MAGI2: variants seen among roughly 807,000 people sequenced by gnomAD.
MAGI2 encodes membrane-associated guanylate kinase, WW and PDZ domain-containing protein 2.
In MAGI2, 35 loss-of-function variants were observed where a neutral mutation model predicts 133.3. That is an observed-to-expected ratio of 0.26 (90% CI 0.20 to 0.35). MAGI2 has a LOEUF of 0.35. MAGI2 is among the 10% of genes least tolerant of loss of function. The pLI is 1.00. For synonymous variants in MAGI2, 729 were observed against 710.6 expected, an observed-to-expected ratio of 1.03 and a Z score of -0.41; for missense variants, 1,636 against 1,863.4, an observed-to-expected ratio of 0.88 and a Z score of 2.25.
chr7:78,860,729 A>G (rs1794087820), intron 2 of MAGI2, among the ~76,000 whole-genome samples: 1 of 152,076 alleles, frequency 6.6e-6, no homozygotes, highest in Admixed American at 6.5e-5. Flanking sequence ...CCATTCTCAG[A>G]TCTCACACTC....
chr7:78,185,055 A>T (rs1256502450), intron 13 of MAGI2, among the ~76,000 whole-genome samples: 1 of 152,248 alleles, frequency 6.6e-6, no homozygotes, highest in Non-Finnish European at 1.5e-5. Flanking sequence ...AATGTAAGCC[A>T]CATAAGTAAT....
intron 2 of MAGI2, among the ~76,000 whole-genome samples, chr7:78,659,868 G>T (rs771185053): frequency 2.6e-5 from 4 of 151,928 alleles, no homozygotes; most frequent in African/African-American, 9.7e-5. Context: ...AAAATAAAAG[G>T]TTCAATTTTA....
intron 1 of MAGI2, among the ~76,000 whole-genome samples, chr7:79,395,696 T>G (rs1844998169): frequency 6.6e-6 from 1 of 152,214 alleles, no homozygotes; most frequent in South Asian, 2.1e-4. Context: ...TTACATTATT[T>G]CCAACTTCTG....
chr7:78,265,559 A>C (rs1274586864), intron 9 of MAGI2, among the ~76,000 whole-genome samples: 1 of 152,240 alleles, frequency 6.6e-6, no homozygotes, highest in Non-Finnish European at 1.5e-5. Flanking sequence ...ATTTTCAAGA[A>C]GAAATCTTAA....
intron 3 of MAGI2, among the ~76,000 whole-genome samples, chr7:78,559,056 G>T (rs1800121810): frequency 7.6e-6 from 1 of 132,078 alleles, no homozygotes; most frequent in African/African-American, 2.9e-5. Context: ...GCTTCTATGT[G>T]TCCCTAAGTT....
chr7:78,311,861 C>T (rs1798735688), intron 9 of MAGI2, among the ~76,000 whole-genome samples: 1 of 151,852 alleles, frequency 6.6e-6, no homozygotes, highest in East Asian at 1.9e-4. Flanking sequence ...ACCTCTGCCT[C>T]CCGGATTGAA....
intron 9 of MAGI2, among the ~76,000 whole-genome samples, chr7:78,325,826 A>G (rs1192145702): frequency 1.3e-5 from 2 of 152,242 alleles, no homozygotes; most frequent in African/African-American, 4.8e-5. Flanking sequence ...ATGAGTCTGG[A>G]GAGGAAGATG....
chr7:78,395,433 C>G (rs1358687334), intron 6 of MAGI2, among the ~76,000 whole-genome samples: 1 of 152,144 alleles, frequency 6.6e-6, no homozygotes, highest in Non-Finnish European at 1.5e-5. Flanking sequence ...CTTTTGGTTT[C>G]TTTACCAGAA....
intron 1 of MAGI2, among the ~76,000 whole-genome samples, chr7:79,101,601 G>A (rs904779740): frequency 1.3e-5 from 2 of 151,626 alleles, no homozygotes; most frequent in African/African-American, 2.4e-5. Flanking sequence ...GCGGGCGCCC[G>A]TAGTCCCAGC....
At chr7:79,031,210 A>G (rs1368841433) in intron 1 of MAGI2, among the ~76,000 whole-genome samples, 1 of 152,122 alleles carries the variant, frequency 6.6e-6, no homozygotes, top group Non-Finnish European at 1.5e-5. Context: ...TCTATCTCCC[A>G]CAACTCCATT....
chr7:78,256,843 T>G (rs1057010867), intron 9 of MAGI2, among the ~76,000 whole-genome samples: 1 of 152,224 alleles, frequency 6.6e-6, no homozygotes, highest in African/African-American at 2.4e-5. Flanking sequence ...ACAAAGGCTC[T>G]GAAAGAAAAG....
chr7:78,195,026 G>A lies in MAGI2; in HGVS notation c.2117C>T (p.Thr706Met), dbSNP rs773722155. Residue 706 changes from threonine (T) to methionine (M), a missense_variant, in exon 12 of 22, where the codon ACG becomes ATG. By Grantham distance (81) the Thr-to-Met change is moderately conservative (BLOSUM62 -1). This residue lies in a region of MAGI2 where 920 missense variants were observed against 1,093.5 expected (regional missense o/e 0.84). Coordinates refer to ENST00000354212, the MANE Select transcript of MAGI2 (RefSeq NM_012301.4). The part of the protein sequence containing the change: ...DRWENQGSPQ[T>M]SLSAPAIPQN... ...CGGTATGGCCGGAGCAGATAAACTC[G>A]TTTGAGGACTGCCTTGATTCTCCCA... 1.2e-5 allele frequency: 20 copies of A among 1,612,798 alleles called. No homozygotes were observed. In the Admixed American group the frequency reaches 1.8e-4, roughly 15 times the overall value.
intron 1 of MAGI2, among the ~76,000 whole-genome samples, chr7:79,355,828 A>G (rs982882659): frequency 1.3e-5 from 2 of 152,110 alleles, no homozygotes; most frequent in African/African-American, 4.8e-5. Flanking sequence ...CAATTGTCAG[A>G]TATACAAATA....
At chr7:78,737,491 T>C (rs1489818806) in intron 2 of MAGI2, among the ~76,000 whole-genome samples, 1 of 152,176 alleles carries the variant, frequency 6.6e-6, no homozygotes, top group Non-Finnish European at 1.5e-5. Context: ...CATTAAAGAA[T>C]ATTCACAATT....
chr7:78,135,258 C>A, intron 16 of MAGI2, 52 bp from the exon 17 acceptor site: 4 of 1,414,514 alleles, frequency 2.8e-6, no homozygotes, highest in Non-Finnish European at 3.0e-6. Flanking sequence ...AATACATGTT[C>A]TTTCAGTCCC....
intron 2 of MAGI2, among the ~76,000 whole-genome samples, chr7:78,696,288 T>A (rs887952822): frequency 6.6e-6 from 1 of 152,168 alleles, no homozygotes; most frequent in Non-Finnish European, 1.5e-5. Flanking sequence ...AAGTTAATTT[T>A]CTAAGCAAGA....
At chr7:79,299,739 T>C (rs1837246058) in intron 1 of MAGI2, among the ~76,000 whole-genome samples, 1 of 152,062 alleles carries the variant, frequency 6.6e-6, no homozygotes, top group South Asian at 2.1e-4. Flanking sequence ...AAATCTCATA[T>C]TGAATTGTAA....
At chr7:78,730,151 T>A (rs181892824) in intron 2 of MAGI2, among the ~76,000 whole-genome samples, 1 of 152,322 alleles carries the variant, frequency 6.6e-6, no homozygotes, top group Non-Finnish European at 1.5e-5. Flanking sequence ...ATTATCTGAT[T>A]AGAGACATTT....
At chr7:78,151,762 T>C (rs1823894473) in intron 16 of MAGI2, among the ~76,000 whole-genome samples, 1 of 152,218 alleles carries the variant, frequency 6.6e-6, no homozygotes, top group Admixed American at 6.5e-5. Flanking sequence ...ATTCCTCCCC[T>C]AAGTGATCCT....
Sources: gnomAD v4.1 joint callset for allele counts (sites outside exome capture counted in the v4.1 genomes callset) on GRCh38, gnomAD v4.1.1 for gene constraint, gnomAD v4.1.1 regional missense constraint, MANE v1.5 for transcripts, NCBI Gene and HGNC (gene_info 2026-07-23, HGNC 2026-07-21) for gene names.